SPG11: variants seen among roughly 807,000 people sequenced by gnomAD.
SPG11 encodes the protein SPG11 vesicle trafficking associated, spatacsin.
Under a neutral mutation model 274.0 loss-of-function variants are expected in SPG11, and 222 were observed. The observed-to-expected ratio is 0.81, with a 90% CI of 0.73 to 0.91. The LOEUF (loss-of-function observed/expected upper bound fraction) is 0.91. Ranked by LOEUF, SPG11 falls within the 40% of genes least tolerant of loss-of-function variation. The pLI is 0.00. For missense variants in SPG11, 3,114 were observed against 2,872.7 expected (o/e 1.08, Z -1.92); for synonymous variants, 1,144 against 1,039.7 (o/e 1.10, Z -1.93).
At chr15:44,653,894 T>C (rs577177907) in intron 4 of SPG11, among the ~76,000 whole-genome samples, 1 of 152,266 alleles carries the variant, frequency 6.6e-6, no homozygotes, top group East Asian at 1.9e-4. Flanking sequence ...CAAAAATACA[T>C]TGGAAAAATT....
intron 2 of SPG11, 79 bp downstream of exon 2, chr15:44,660,351 CTA>C (rs766299285): frequency 2.2e-4 from 299 of 1,345,152 alleles, no homozygotes; most frequent in Non-Finnish European, 2.9e-4. Context: ...GATTTCACCT[CTA>C]TGACTTTTCC....
At chr15:44,608,422 A>G (rs1567159249) in intron 19 of SPG11, 22 bp downstream of exon 19, 1 of 1,613,080 alleles carries the variant, frequency 6.2e-7, no homozygotes, top group Non-Finnish European at 8.5e-7. Flanking sequence ...AGACCTAAAT[A>G]TTGGCCACCT....
intron 18 of SPG11, 38 bp from the exon 19 acceptor site, chr15:44,608,643 T>G (rs1245633323): frequency 6.2e-7 from 1 of 1,600,988 alleles, no homozygotes; most frequent in East Asian, 2.2e-5. Flanking sequence ...GACAGTAGCA[T>G]TTTTCTCTTC....
intron 14 of SPG11, 106 bp downstream of exon 14, chr15:44,621,653 T>C: frequency 4.5e-6 from 5 of 1,112,482 alleles, no homozygotes. Context: ...TGAATATTAT[T>C]TCCCGAAAGG....
chr15:44,644,402 T>A (rs573377196), intron 7 of SPG11, among the ~76,000 whole-genome samples: 1 of 152,152 alleles, frequency 6.6e-6, no homozygotes, highest in Admixed American at 6.5e-5. Context: ...CTCAACAAAC[T>A]AGGCATTGAA....
In SPG11 at chr15:44,622,279, T is replaced by C. The variant is rs2083774784; in HGVS notation, c.2385A>G (p.Gln795=). Residue 795 remains glutamine (Q), a synonymous_variant, in exon 13 of 40, where the codon CAA becomes CAG. Coordinates refer to ENST00000261866, the MANE Select transcript of SPG11 (RefSeq NM_025137.4). ...AATGTCCCAAATAAAGCTTCTCAACTTGATGCACGAAGTCTATAGTTCTTT... is the reference window on the plus strand; with the variant it reads ...AATGTCCCAAATAAAGCTTCTCAACCTGATGCACGAAGTCTATAGTTCTTT... ...KEKRTIDFVH[Q]VEKLYLGHFQ... 1 of 1,603,650 alleles carries C rather than the reference T, an allele frequency of 6.2e-7. No individual in the cohort carries two copies. The highest frequency in any genetic ancestry group is 8.5e-7 in the Non-Finnish European group (1 of 1,170,818).
rs1388337783 is a variant in SPG11 at position 44,600,490 on chromosome 15, G to A, written c.3663C>T (p.Ile1221=). The change falls in exon 21 of 40, where the codon ATC becomes ATT. Residue 1221 remains isoleucine (I), a synonymous_variant. Transcript: ENST00000261866. ...ACAGCTGCTTGGGAGTCTTGCTCTT[G>A]ATTAATTCCTGGACCAGAAAAGTAC... ...AFGTFLVQEL[I]KSKTPKQLIQ... 2 of 1,614,044 alleles carry A rather than the reference G, an allele frequency of 1.2e-6. No homozygotes were observed. Among genetic ancestry groups the A allele is most frequent in the Non-Finnish European group, 8.5e-7 (1 of 1,179,998 alleles).
At chr15:44,625,300 A>C (rs919849871) in intron 11 of SPG11, among the ~76,000 whole-genome samples, 1 of 152,130 alleles carries the variant, frequency 6.6e-6, no homozygotes, top group African/African-American at 2.4e-5. Flanking sequence ...CCTTCTGAGT[A>C]GCTAGGACTA....
chr15:44,608,386 TTC>T, intron 19 of SPG11, 56 bp downstream of exon 19: 2 of 1,564,548 alleles, frequency 1.3e-6, no homozygotes, highest in South Asian at 2.2e-5. Flanking sequence ...CTAGAGTGAT[TTC>T]TGTTTTCCTG....
rs1323565074 is a variant in SPG11 at position 44,573,563 on chromosome 15, AG to A, written c.6188del (p.Thr2063IlefsTer24). The A allele has an allele frequency of 6.2e-7, 1 of 1,614,194 alleles. No individual in the cohort carries two copies. The highest frequency in any genetic ancestry group is 1.7e-5 in the Admixed American group (1 of 60,022). On this transcript the variant is annotated frameshift_variant, in exon 32 of 40. Coordinates refer to ENST00000261866, the MANE Select transcript of SPG11 (RefSeq NM_025137.4). LOFTEE classifies it high-confidence loss of function. ...VAEEVTRELLTSSQGTGHKQM... is the reference protein window; with the variant it reads ...VAEEVTRELLXSSQGTGHKQM... ...GTAGGGCACCTGTTCCCTGTGATGA[AG>A]TAAGCAGCTCCCGTGTCACCTCTTC...
intron 7 of SPG11, among the ~76,000 whole-genome samples, chr15:44,634,559 C>T (rs1180191268): frequency 6.6e-6 from 1 of 151,918 alleles, no homozygotes; most frequent in Non-Finnish European, 1.5e-5. Flanking sequence ...GCTGGGATTA[C>T]AGGCATGAGC....
rs36014111 is a variant in SPG11 at position 44,608,477 on chromosome 15, C to T, written c.3420G>A (p.Leu1140=). ...GGTGGTAGATTGTAATATCAGATGG[C>T]AGGACACTAGGAGGAGTGCACTGTG... ...LFPQCTPPSV[L]PSDITIYHLI... is the part of the protein sequence containing the mutation. The change falls in exon 19 of 40, where the codon CTG becomes CTA. Residue 1140 remains leucine, a synonymous_variant. Coordinates refer to ENST00000261866, the MANE Select transcript of SPG11 (RefSeq NM_025137.4). 71,667 of 1,613,804 alleles carry T rather than the reference C, an allele frequency of 0.044. 1,946 individuals are homozygous for T. Among genetic ancestry groups the T allele is most frequent in the Non-Finnish European group, 0.053 (62,024 of 1,179,772 alleles).
intron 3 of SPG11, among the ~76,000 whole-genome samples, chr15:44,657,592 A>G (rs1024034884): frequency 1.3e-5 from 2 of 152,188 alleles, no homozygotes; most frequent in Admixed American, 1.3e-4. Context: ...TAAACCTACT[A>G]TTTTATGTAA....
intron 4 of SPG11, among the ~76,000 whole-genome samples, chr15:44,654,533 A>G (rs1319108287): frequency 6.7e-6 from 1 of 149,400 alleles, no homozygotes; most frequent in Admixed American, 6.7e-5. Flanking sequence ...GAAACCCACA[A>G]ACTTATTATA....
intron 30 of SPG11, among the ~76,000 whole-genome samples, chr15:44,583,251 G>A (rs2082690748): frequency 6.6e-6 from 1 of 152,314 alleles, no homozygotes; most frequent in South Asian, 2.1e-4. Context: ...AGGCCGAGGT[G>A]GACGAATCGC....
At chr15:44,573,856 A>G in intron 31 of SPG11, 111 bp from the exon 32 acceptor site, 1 of 979,256 alleles carries the variant, frequency 1.0e-6, no homozygotes, top group Non-Finnish European at 1.6e-6. Flanking sequence ...GAGCTTACAG[A>G]CTCCTCACCC....
chr15:44,585,601 CT>C (rs2082743530), intron 29 of SPG11, 34 bp downstream of exon 29: 2 of 1,116,488 alleles, frequency 1.8e-6, no homozygotes, highest in South Asian at 1.3e-5. Flanking sequence ...GACCCCGTAT[CT>C]AAAAAAAAAA....
At chr15:44,586,536 CGA>C (rs2082768779) in intron 28 of SPG11, among the ~76,000 whole-genome samples, 1 of 151,856 alleles carries the variant, frequency 6.6e-6, no homozygotes, top group African/African-American at 2.4e-5. Flanking sequence ...CCCAGCTACT[CGA>C]GAGGCTGAGG....
rs1085307814 is a variant in SPG11, at chr15:44,596,943, C to G, written c.4002G>C (p.Arg1334Ser). The change falls in exon 24 of 40, where the codon AGG becomes AGC. Residue 1334 changes from arginine to serine, a missense_variant and splice_region_variant. Coordinates refer to ENST00000261866, the MANE Select transcript of SPG11 (RefSeq NM_025137.4). ...ATTGGCTGCTAGATTCACTGGATAA[C>G]CTATAATCAGAATTAGAGGTGGGGG... ...WNSIQQQEIK[R>S]LSSESSSQWA... 1.4e-5 allele frequency: 23 copies of G among 1,613,552 alleles called. No individual in the cohort carries two copies. Among genetic ancestry groups the G allele is most frequent in the Non-Finnish European group, 1.9e-5 (22 of 1,179,946 alleles).
Sources: gnomAD v4.1 joint callset for allele counts (sites outside exome capture counted in the v4.1 genomes callset) on GRCh38, gnomAD v4.1.1 for gene constraint, MANE v1.5 for transcripts, NCBI Gene and HGNC (gene_info 2026-07-23, HGNC 2026-07-21) for gene names.